WDR27: variants seen among roughly 807,000 people sequenced by gnomAD.
WDR27 encodes WD repeat domain 27, also known as WD repeat-containing protein 27.
A neutral mutation model predicts 114.4 loss-of-function variants in WDR27; 100 were observed. The ratio of observed to expected loss-of-function variants is 0.87; its 90% CI spans 0.74 to 1.03. The LOEUF (loss-of-function observed/expected upper bound fraction) is 1.03, where lower values mean the gene tolerates loss of function less well. WDR27 is among the 50% of genes least tolerant of loss of function. The pLI is 0.00. For missense variants in WDR27, 1,129 were observed against 1,092.9 expected (o/e 1.03, Z -0.47); for synonymous variants, 449 against 423.1 (o/e 1.06, Z -0.75).
At chr6:169,514,140 T>A (rs758985368) in intron 25 of WDR27, among the ~76,000 whole-genome samples, 7 of 152,046 alleles carry the variant, frequency 4.6e-5, no homozygotes, top group Non-Finnish European at 1.0e-4. Context: ...CTAACAAGAC[T>A]ATTGTAAGAA....
intron 2 of WDR27, among the ~76,000 whole-genome samples, chr6:169,681,155 T>G (rs1356060296): frequency 1.3e-5 from 2 of 152,214 alleles, no homozygotes; most frequent in Non-Finnish European, 2.9e-5. Flanking sequence ...AATAGGAGAA[T>G]GCATAAAGTA....
At chr6:169,442,760 A>G in the WDR27 span, among the ~76,000 whole-genome samples, 7 of 152,136 alleles carry the variant, frequency 4.6e-5, no homozygotes, top group African/African-American at 1.7e-4. Flanking sequence ...AGTGGAGAGC[A>G]TATCTGGCCA....
At chr6:169,578,061 C>G (rs1302649918) in intron 24 of WDR27, among the ~76,000 whole-genome samples, 1 of 152,178 alleles carries the variant, frequency 6.6e-6, no homozygotes, top group African/African-American at 2.4e-5. Context: ...ACGCGTTTCT[C>G]TAATGTGTGT....
chr6:169,649,095 T>C, intron 15 of WDR27, 103 bp downstream of exon 15: 1 of 904,064 alleles, frequency 1.1e-6, no homozygotes, highest in Admixed American at 2.0e-5. Flanking sequence ...TAAACACATG[T>C]ACACATATAA....
At chr6:169,630,710 A>G (rs1236325654) in intron 21 of WDR27, among the ~76,000 whole-genome samples, 1 of 152,188 alleles carries the variant, frequency 6.6e-6, no homozygotes, top group African/African-American at 2.4e-5. Context: ...CCCGGCCAAC[A>G]TGGTGAAACT....
At chr6:169,437,323 C>G in the WDR27 span, among the ~76,000 whole-genome samples, 1 of 152,076 alleles carries the variant, frequency 6.6e-6, no homozygotes, top group Non-Finnish European at 1.5e-5. Context: ...AAGTCTGGTA[C>G]TCTATGTTTG....
chr6:169,571,324 G>A (rs1485186414), intron 25 of WDR27, among the ~76,000 whole-genome samples: 1 of 151,978 alleles, frequency 6.6e-6, no homozygotes, highest in Non-Finnish European at 1.5e-5. Context: ...TTTCCCAGAA[G>A]TTAACAATGC....
intron 21 of WDR27, among the ~76,000 whole-genome samples, chr6:169,615,960 A>C (rs1811718895): frequency 6.6e-6 from 1 of 151,690 alleles, no homozygotes; most frequent in African/African-American, 2.4e-5. Context: ...CCTAATAAAA[A>C]AAAAAAAGTC....
chr6:169,651,175 G>T lies in WDR27; in HGVS notation c.1481+755C>A, dbSNP rs1043755931. Among the ~76,000 whole-genome samples, 3 of 106,722 alleles carry T rather than the reference G, an allele frequency of 2.8e-5. 1 individual carries two copies. The highest frequency in any genetic ancestry group is 5.4e-4 in the East Asian group (1 of 1,866). The allele number at this position is 106,722 out of a possible 152,430, so 70.0% of individuals were successfully genotyped here. ...TGGGATTTCTGCCTGGAGCACAGCA[G>T]TGCGGGGCGGGGGGGGGGAGTGGGG... is the stretch of plus-strand genomic sequence containing the variant. On this transcript the variant is annotated intron_variant, in intron 14 of 25. Transcript: ENST00000448612.
Position 169,602,255 on chromosome 6 carries a change from A to C in WDR27, c.2388T>G (p.Cys796Trp). 1.3e-6 allele frequency: 2 copies of C among 1,565,188 alleles called. No individual in the cohort carries two copies. The highest frequency in any genetic ancestry group is 8.7e-7 in the Non-Finnish European group (1 of 1,153,692). Residue 796 changes from cysteine (C) to tryptophan (W), a missense_variant, in exon 23 of 26, where the codon TGT becomes TGG. Transcript: ENST00000448612. The stretch of plus-strand genomic sequence containing the variant: ...CGGCCCCACAAGCCGCGAATCGTCC[A>C]CAAGGACTGAAAGCGATTCCACATG... ...GYPCGIAFSP[C>W]GRFAACGAED...
chr6:169,665,312 A>G (rs1273894278), intron 7 of WDR27, 174 bp downstream of exon 7: 1 of 1,393,876 alleles, frequency 7.2e-7, no homozygotes, highest in African/African-American at 1.5e-5. Flanking sequence ...CCAGGACCAT[A>G]TTGAACCCAC....
At chr6:169,571,048 A>G (rs960405865) in intron 25 of WDR27, among the ~76,000 whole-genome samples, 6 of 152,192 alleles carry the variant, frequency 3.9e-5, no homozygotes, top group Admixed American at 6.5e-5. Context: ...AAATAGTGCA[A>G]TCTTGCTCCT....
intron 21 of WDR27, among the ~76,000 whole-genome samples, chr6:169,625,006 C>A (rs934869049): frequency 1.3e-5 from 2 of 152,224 alleles, no homozygotes; most frequent in Non-Finnish European, 2.9e-5. Context: ...CAAGATGCAA[C>A]TCCTGTTCTA....
chr6:169,475,960 T>C (rs796822503), intron 25 of WDR27, among the ~76,000 whole-genome samples: 14 of 152,358 alleles, frequency 9.2e-5, no homozygotes, highest in African/African-American at 3.4e-4. Context: ...CATTTATACA[T>C]TAATGGAGAA....
chr6:169,661,030 CT>C (rs1375049661), intron 9 of WDR27, among the ~76,000 whole-genome samples: 1 of 150,634 alleles, frequency 6.6e-6, no homozygotes, highest in Admixed American at 6.6e-5. Context: ...CGTGCGCCCC[CT>C]GGCCTGGCTG....
chr6:169,697,645 TAA>T (rs1562961115), intron 1 of WDR27, among the ~76,000 whole-genome samples: 1 of 152,202 alleles, frequency 6.6e-6, no homozygotes, highest in Non-Finnish European at 1.5e-5. Context: ...GTGAAAGTAC[TAA>T]AAGTCTCTAA....
downstream of WDR27, among the ~76,000 whole-genome samples, chr6:169,453,111 A>C (rs929531935): frequency 6.6e-6 from 1 of 152,250 alleles, no homozygotes; most frequent in African/African-American, 2.4e-5. Context: ...AAAAGTAAGA[A>C]GATATAGAAC....
intron 25 of WDR27, among the ~76,000 whole-genome samples, chr6:169,524,073 T>C (rs983223100): frequency 2.6e-5 from 4 of 151,988 alleles, no homozygotes; most frequent in Admixed American, 2.6e-4. Context: ...TTAGAACTGA[T>C]AAAGTCAGTA....
intron 25 of WDR27, among the ~76,000 whole-genome samples, chr6:169,474,091 T>C (rs1296813423): frequency 2.0e-5 from 3 of 152,246 alleles, no homozygotes; most frequent in African/African-American, 7.2e-5. Context: ...ATGTCCCCCA[T>C]AGAGTAAATC....
Sources: gnomAD v4.1 joint callset for allele counts (sites outside exome capture counted in the v4.1 genomes callset) on GRCh38, gnomAD v4.1.1 for gene constraint, MANE v1.5 for transcripts, NCBI Gene and HGNC (gene_info 2026-07-23, HGNC 2026-07-21) for gene names.